Variants in EGF observed in about 807,000 individuals in gnomAD.
EGF encodes the protein epidermal growth factor, also known as pro-epidermal growth factor.
A neutral mutation model predicts 143.8 loss-of-function variants in EGF; 95 were observed. That is an observed-to-expected ratio of 0.66 (90% CI 0.56 to 0.78). The LOEUF (loss-of-function observed/expected upper bound fraction) is 0.78. Among genes scored for constraint, EGF ranks in the 30% least tolerant of loss-of-function variants. The pLI, the probability that EGF is intolerant of heterozygous loss-of-function variation, is 0.00. For missense variants in EGF, 1,320 were observed against 1,470.9 expected (o/e 0.90, Z 1.68); for synonymous variants, 510 against 510.5 (o/e 1.00, Z 0.01).
intron 21 of EGF, chr4:110,004,217 C>CAT (rs1485750813): frequency 2.2e-3 from 382 of 176,896 alleles, no homozygotes; most frequent in South Asian, 0.011. Flanking sequence ...GGCATACATA[C>CAT]ACACACACAC....
rs537794208 is a variant in EGF at position 109,980,090 on chromosome 4, C to T, written c.2172C>T (p.Ser724=). ...AAGATAGAGTACGTCTCCAAGGCAG[C>T]ATGCTGAAGCCCTCATCACTGGTTG... is the stretch of plus-strand genomic sequence containing the variant. ...TGKDRVRLQG[S]MLKPSSLVVV... Residue 724 remains serine, a synonymous_variant, in exon 14 of 24, where the codon AGC becomes AGT. Transcript: ENST00000265171. 10 of 1,613,524 alleles carry T rather than the reference C, an allele frequency of 6.2e-6. No homozygotes were observed. The highest frequency in any genetic ancestry group is 2.2e-5 in the East Asian group (1 of 44,854).
intron 1 of EGF, among the ~76,000 whole-genome samples, chr4:109,915,576 C>T (rs757905912): frequency 2.6e-5 from 4 of 152,332 alleles, no homozygotes; most frequent in Admixed American, 6.5e-5. Flanking sequence ...CCGTACTTTA[C>T]GCTCCTGGTC....
intron 1 of EGF, among the ~76,000 whole-genome samples, chr4:109,927,941 T>C (rs1739023604): frequency 6.6e-6 from 1 of 152,032 alleles, no homozygotes; most frequent in African/African-American, 2.4e-5. Flanking sequence ...GAGCATAATT[T>C]GTGTTGAAAA....
At chr4:109,963,471 G>C (rs528025061) in intron 9 of EGF, among the ~76,000 whole-genome samples, 173 bp downstream of exon 9, 1 of 152,108 alleles carries the variant, frequency 6.6e-6, no homozygotes, top group African/African-American at 2.4e-5. Flanking sequence ...CTAGTAACCA[G>C]GCTTTTAAAG....
In EGF at chr4:109,999,717, G is replaced by T. The variant is rs375755038; in HGVS notation, c.3044G>T (p.Arg1015Leu). 56 of 1,614,010 alleles carry T rather than the reference G, an allele frequency of 3.5e-5. No homozygotes were observed. The highest frequency in any genetic ancestry group is 4.6e-5 in the Non-Finnish European group (54 of 1,180,036). The change falls in exon 21 of 24, where the codon CGA becomes CTA. Residue 1015 changes from arginine (R) to leucine (L), a missense_variant. Around this residue, in one of 5 missense-constraint regions of EGF, gnomAD observed 1,186 missense variants for 1,313.7 expected, o/e 0.90. Coordinates refer to ENST00000265171, the MANE Select transcript of EGF (RefSeq NM_001963.6). ...TACATCGGGGAGCGATGTCAGTACC[G>T]AGACCTGAAGTGGTGGGAACTGCGC... is the stretch of plus-strand genomic sequence containing the variant. ...VGYIGERCQYRDLKWWELRHA... is the reference protein window; with the variant it reads ...VGYIGERCQYLDLKWWELRHA...
At chr4:109,966,918 G>T (rs1746701010) in intron 10 of EGF, among the ~76,000 whole-genome samples, 1 of 152,064 alleles carries the variant, frequency 6.6e-6, no homozygotes, top group African/African-American at 2.4e-5. Flanking sequence ...GGTTGTTTGA[G>T]TTCCTTATAG....
In EGF at chr4:109,993,684, TGCAGGGCTAG is replaced by T. The variant is rs11569081; in HGVS notation, c.2857+321_2857+330del. ...ATTTGTGGGGCTGCTGGATAAGTTT[TGCAGGGCTAG>T]GCAGGTCGGTGAGAATGTCTGGACT... On this transcript the variant is annotated intron_variant, in intron 19 of 23. Transcript: ENST00000265171. Among the ~76,000 whole-genome samples, 2,136 of 152,316 alleles carry T rather than the reference TGCAGGGCTAG, an allele frequency of 0.014. 209 individuals carry two copies. In the East Asian group the frequency reaches 0.24, roughly 17 times the overall value.
rs3216212 is a variant in EGF, at chr4:109,999,015, GAC to G, written c.3006-662_3006-661del. Among the ~76,000 whole-genome samples, 2,170 of 152,320 alleles carry G rather than the reference GAC, an allele frequency of 0.014. 226 individuals are homozygous for G. The East Asian group carries it at 0.24, about 17-fold the overall frequency. ...AAAAAGTTCAGCAGTTCACTCTAGT[GAC>G]AGTTTCACTAATGGGACAGCAGGGT... On this transcript the variant is annotated intron_variant, in intron 20 of 23. Coordinates refer to ENST00000265171, the MANE Select transcript of EGF (RefSeq NM_001963.6).
intron 1 of EGF, among the ~76,000 whole-genome samples, chr4:109,914,925 G>A (rs1297755630): frequency 4.6e-5 from 7 of 152,234 alleles, no homozygotes; most frequent in Admixed American, 3.9e-4. Flanking sequence ...GATGTGAGGG[G>A]TGATGGTTGG....
chr4:109,952,469 G>A (rs1021303270), intron 5 of EGF, among the ~76,000 whole-genome samples: 1 of 152,192 alleles, frequency 6.6e-6, no homozygotes, highest in African/African-American at 2.4e-5. Context: ...GAAGCAATTA[G>A]TATAGCTAAA....
At chr4:109,948,161 A>AG (rs1448416567) in intron 5 of EGF, among the ~76,000 whole-genome samples, 19 of 152,254 alleles carry the variant, frequency 1.2e-4, no homozygotes, top group Non-Finnish European at 1.0e-4. Flanking sequence ...TTGGCTGGAA[A>AG]GCCTCTGCCA....
At chr4:109,963,957 G>A (rs1578275881) in intron 9 of EGF, among the ~76,000 whole-genome samples, 1 of 152,030 alleles carries the variant, frequency 6.6e-6, no homozygotes, top group Non-Finnish European at 1.5e-5. Flanking sequence ...AATTATCAAG[G>A]GTCTTGCTAT....
chr4:109,968,776 G>C, intron 10 of EGF, 195 bp from the exon 11 acceptor site: 1 of 618,532 alleles, frequency 1.6e-6, no homozygotes, highest in South Asian at 1.9e-5. Flanking sequence ...AGGAAACTAA[G>C]ATTCTGAGAC....
chr4:109,980,547 G>T, intron 14 of EGF: 1 of 495,698 alleles, frequency 2.0e-6, no homozygotes, highest in Non-Finnish European at 3.6e-6. Context: ...ACTAGATGAT[G>T]AGTCAGGAAA....
At chr4:109,917,672 G>A (rs1736933840) in intron 1 of EGF, among the ~76,000 whole-genome samples, 1 of 152,094 alleles carries the variant, frequency 6.6e-6, no homozygotes, top group Non-Finnish European at 1.5e-5. Context: ...CCAGGCTGGA[G>A]TACAGTGGCA....
chr4:109,960,725 G>C, intron 6 of EGF, 142 bp from the exon 7 acceptor site: 1 of 869,786 alleles, frequency 1.1e-6, no homozygotes, highest in Non-Finnish European at 1.8e-6. Flanking sequence ...CCCTTTGCTA[G>C]AGTATGGAAA....
At chr4:109,948,740 C>T (rs928782157) in intron 5 of EGF, among the ~76,000 whole-genome samples, 5 of 152,166 alleles carry the variant, frequency 3.3e-5, no homozygotes, top group Non-Finnish European at 1.5e-5. Flanking sequence ...CCTGCCTCAG[C>T]CTCCCAAAGT....
intron 1 of EGF, among the ~76,000 whole-genome samples, chr4:109,933,411 ATTTC>A (rs1740154232): frequency 6.9e-6 from 1 of 145,292 alleles, no homozygotes; most frequent in Non-Finnish European, 1.5e-5. Flanking sequence ...CTCTTGTAGC[ATTTC>A]TTTTTTTTCT....
At chr4:109,974,363 A>G (rs1748141482) in intron 11 of EGF, among the ~76,000 whole-genome samples, 1 of 152,138 alleles carries the variant, frequency 6.6e-6, no homozygotes, top group East Asian at 1.9e-4. Flanking sequence ...TCTGGCTTCC[A>G]TTGGTTTCAG....
Sources: allele counts gnomAD v4.1 joint callset (sites outside exome capture counted in the v4.1 genomes callset), GRCh38; gene constraint gnomAD v4.1.1; regional missense constraint gnomAD v4.1.1; transcripts MANE v1.5; gene names NCBI Gene and HGNC (gene_info 2026-07-23, HGNC 2026-07-21).